Variants in DIPK2A observed in about 807,000 individuals in gnomAD.
The protein encoded by DIPK2A is divergent protein kinase domain 2A, also known as Golgi Protein of 49 kDa.
Under a neutral mutation model 39.0 loss-of-function variants are expected in DIPK2A, and 27 were observed. The ratio of observed to expected loss-of-function variants is 0.69; its 90% CI spans 0.51 to 0.96. DIPK2A has a LOEUF of 0.96. Ranked by LOEUF, DIPK2A falls within the 40% of genes least tolerant of loss-of-function variation. The pLI, the probability that DIPK2A is intolerant of heterozygous loss-of-function variation, is 0.00. For missense variants in DIPK2A, 528 were observed against 571.3 expected (o/e 0.92, Z 0.77); for synonymous variants, 298 against 240.8 (o/e 1.24, Z -2.20).
chr3:143,985,534 CT>C lies in DIPK2A; in HGVS notation c.658-5del, dbSNP rs1559856404. The C allele has an allele frequency of 1.2e-6, 2 of 1,608,318 alleles. No individual in the cohort carries two copies. Among genetic ancestry groups the C allele is most frequent in the South Asian group, 2.2e-5 (2 of 90,740 alleles). The stretch of plus-strand genomic sequence containing the variant: ...AATCTCTTGTAATATTAAGATAATT[CT>C]TTTGTAGAGTTTTCCGTCTGATGAA... On this transcript the variant is annotated splice_region_variant and splice_polypyrimidine_tract_variant and intron_variant, in intron 1 of 2. Coordinates refer to ENST00000315691, the MANE Select transcript of DIPK2A (RefSeq NM_173552.5).
chr3:143,991,538 G>T lies in DIPK2A; in HGVS notation c.*1697G>T, dbSNP rs888427807. ...GTTGCTATAAAAATAGGAGGATGAA[G>T]TCAATAAAGTTTATGCCAGTTTAAA... On this transcript the variant is annotated 3_prime_UTR_variant, in exon 3 of 3. Coordinates refer to ENST00000315691, the MANE Select transcript of DIPK2A (RefSeq NM_173552.5). 1.3e-5 allele frequency: 2 copies of T among 152,572 alleles called. No individual in the cohort carries two copies. Among genetic ancestry groups the T allele is most frequent in the Admixed American group, 1.3e-4 (2 of 15,288 alleles). The allele number at this position is 152,572 out of a possible 1,614,324, so 9.5% of individuals were successfully genotyped here. A position where few individuals can be genotyped will look rare whatever the true frequency, so the allele number is the denominator to read the frequency against.
chr3:143,991,072 G>T lies in DIPK2A; in HGVS notation c.*1231G>T, dbSNP rs1166651094. 5 of 152,464 alleles carry T rather than the reference G, an allele frequency of 3.3e-5. No individual in the cohort carries two copies. Among genetic ancestry groups the T allele is most frequent in the African/African-American group, 1.2e-4 (5 of 41,430 alleles). 9.4% of individuals were successfully genotyped at this position (152,464 alleles called of 1,614,324 possible). On this transcript the variant is annotated 3_prime_UTR_variant, in exon 3 of 3. Transcript: ENST00000315691. ...ACACTTTGGTCTTCTTTACCTAAGG[G>T]TTAAACATCAGAACATCAAATTTAA...
Position 143,985,824 on chromosome 3 carries a change from T to C in DIPK2A, c.939T>C (p.Ala313=), listed in dbSNP as rs1447249596. The C allele has an allele frequency of 6.2e-7, 1 of 1,612,516 alleles. No homozygotes were observed. The highest frequency in any genetic ancestry group is 1.3e-5 in the African/African-American group (1 of 75,008). The change falls in exon 2 of 3, where the codon GCT becomes GCC. Residue 313 remains alanine (A), a synonymous_variant. Transcript: ENST00000315691. ...IIVDAENVLV[A]DKRLIRQNKP... ...TGGATGCTGAAAATGTTTTGGTTGCTGACAAAAGATTAATTAGACAAAGTA... is the reference window on the plus strand; with the variant it reads ...TGGATGCTGAAAATGTTTTGGTTGCCGACAAAAGATTAATTAGACAAAGTA...
chr3:143,978,644 A>ATATATATATATATATC (rs199656746), intron 1 of DIPK2A: 2 of 49,704 alleles, frequency 4.0e-5, no homozygotes, highest in African/African-American at 2.5e-4. Context: ...ATATATCTAT[A>ATATATATATATATATC]TATATATATA....
intron 1 of DIPK2A, chr3:143,973,318 C>T: frequency 6.5e-7 from 1 of 1,536,548 alleles, no homozygotes; most frequent in Non-Finnish European, 8.7e-7. Flanking sequence ...CTCTACCCTG[C>T]CTTTCTGCTT....
chr3:143,978,474 A>G (rs939958593), intron 1 of DIPK2A: 17 of 152,244 alleles, frequency 1.1e-4, no homozygotes, highest in African/African-American at 3.6e-4. Flanking sequence ...ATTTGGATTG[A>G]AAGGATGGAA....
intron 1 of DIPK2A, among the ~76,000 whole-genome samples, chr3:143,974,176 A>G (rs886272523): frequency 2.7e-5 from 4 of 146,482 alleles, no homozygotes; most frequent in African/African-American, 1.0e-4. Flanking sequence ...AGATTTCTTT[A>G]TATTATTTTC....
intron 1 of DIPK2A, chr3:143,973,512 T>A: frequency 6.4e-7 from 1 of 1,551,632 alleles, no homozygotes; most frequent in East Asian, 2.4e-5. Context: ...GGACACCTAA[T>A]TCGAGGACAA....
At chr3:143,978,584 CTA>C (rs1392106139) in intron 1 of DIPK2A, 17 of 97,312 alleles carry the variant, frequency 1.7e-4, no homozygotes, top group South Asian at 9.7e-4. Context: ...CAAAAGGTAT[CTA>C]TATCTATCTA....
intron 2 of DIPK2A, among the ~76,000 whole-genome samples, chr3:143,987,231 G>A (rs999155792): frequency 2.6e-5 from 4 of 152,042 alleles, no homozygotes; most frequent in Non-Finnish European, 4.4e-5. Flanking sequence ...GTGGTTTTTA[G>A]TATATTCATA....
chr3:143,981,076 C>A lies in DIPK2A; in HGVS notation c.658-4467C>A, dbSNP rs1490873674. On this transcript the variant is annotated intron_variant, in intron 1 of 2. Coordinates refer to ENST00000315691, the MANE Select transcript of DIPK2A (RefSeq NM_173552.5). Reference sequence around the variant, plus strand: ...CTTTACTCATATATTCCATGTCCACCCTTTTCATGACTGTGTTATGGCATG... The same window carrying A: ...CTTTACTCATATATTCCATGTCCACACTTTTCATGACTGTGTTATGGCATG... 5.3e-5 allele frequency among the ~76,000 whole-genome samples: 8 copies of A among 152,036 alleles called. No homozygotes were observed. In the East Asian group the frequency reaches 1.5e-3, roughly 29 times the overall value.
intron 1 of DIPK2A, among the ~76,000 whole-genome samples, chr3:143,973,927 C>T (rs759594647): frequency 6.6e-6 from 1 of 152,082 alleles, no homozygotes; most frequent in Non-Finnish European, 1.5e-5. Context: ...CTGCACATTC[C>T]CACCCAGCTT....
rs758135663 is a variant in DIPK2A, at chr3:143,972,788, C to T, written c.456C>T (p.Asp152=). 5 of 1,568,106 alleles carry T rather than the reference C, an allele frequency of 3.2e-6. No individual in the cohort carries two copies. The South Asian group carries it at 3.5e-5, about 11-fold the overall frequency. The stretch of plus-strand genomic sequence containing the variant: ...CCGAGTTCGCGCGCCTCAACGGCGA[C>T]GTGCGTCTGCTCACGCCCGAGGCGG... The part of the protein sequence containing the change: ...PRTEFARLNG[D]VRLLTPEAVE... Residue 152 remains aspartate, a synonymous_variant, in exon 1 of 3, where the codon GAC becomes GAT. Transcript: ENST00000315691.
intron 1 of DIPK2A, among the ~76,000 whole-genome samples, chr3:143,978,682 CTATATATATATATA>C (rs1156833163): frequency 3.6e-5 from 2 of 56,180 alleles, no homozygotes; most frequent in East Asian, 5.2e-4. Context: ...ATATATATAT[CTATATATATATATA>C]TATATACTGT....
At chr3:143,982,998 A>T (rs1559855652) in intron 1 of DIPK2A, among the ~76,000 whole-genome samples, 1 of 152,226 alleles carries the variant, frequency 6.6e-6, no homozygotes, top group Non-Finnish European at 1.5e-5. Flanking sequence ...GCATTACATA[A>T]TGGTAAACGG....
At position 143,972,614 on chromosome 3, in the gene DIPK2A, G is replaced by GC; in HGVS notation, c.283dup (p.Gln95ProfsTer130). 6.2e-7 allele frequency: 1 copy of GC among 1,612,022 alleles called. No individual in the cohort carries two copies. Among genetic ancestry groups the GC allele is most frequent in the Non-Finnish European group, 8.5e-7 (1 of 1,179,644 alleles). On this transcript the variant is annotated frameshift_variant, in exon 1 of 3. Coordinates refer to ENST00000315691, the MANE Select transcript of DIPK2A (RefSeq NM_173552.5). LOFTEE classifies it high-confidence loss of function. ...TCAACGTGAAGAACGTGTACTTCGCGCAGTACGGCGAGCCCCGCGAGGGCG... is the reference window on the plus strand; with the variant it reads ...TCAACGTGAAGAACGTGTACTTCGCGCCAGTACGGCGAGCCCCGCGAGGGCG...
chr3:143,990,525 G>T lies in DIPK2A; in HGVS notation c.*684G>T, dbSNP rs2087968576. On this transcript the variant is annotated 3_prime_UTR_variant, in exon 3 of 3. Transcript: ENST00000315691. The stretch of plus-strand genomic sequence containing the variant: ...TTCACCATTGCATGGTGTCATTTCA[G>T]GTTATTTAACAGTTATATCCCTCTA... The T allele has an allele frequency of 1.3e-5, 2 of 150,654 alleles. No homozygotes were observed. The highest frequency in any genetic ancestry group is 6.6e-5 in the Admixed American group (1 of 15,092). The allele number at this position is 150,654 out of a possible 1,614,324, so 9.3% of individuals were successfully genotyped here.
chr3:143,980,431 C>G (rs57432713), intron 1 of DIPK2A, among the ~76,000 whole-genome samples: 8,514 of 152,080 alleles, frequency 0.056, 814 homozygotes, highest in African/African-American at 0.19. Context: ...CCACGCCTGG[C>G]TAATTTTTGT....
intron 1 of DIPK2A, chr3:143,973,557 G>C: frequency 1.3e-6 from 2 of 1,547,250 alleles, no homozygotes; most frequent in African/African-American, 1.4e-5. Context: ...CGGGACAGTG[G>C]TCGGGGTGGG....
Sources: gnomAD v4.1 joint callset for allele counts (sites outside exome capture counted in the v4.1 genomes callset) on GRCh38, gnomAD v4.1.1 for gene constraint, MANE v1.5 for transcripts, NCBI Gene and HGNC (gene_info 2026-07-23, HGNC 2026-07-21) for gene names.